CIMAP2: variants seen among roughly 807,000 people sequenced by gnomAD.
CIMAP2 encodes ciliary microtubule associated protein 2, also known as ciliary microtubule-associated protein 2.
chr1:54,811,690 C>T, the CIMAP2 span: 8 of 1,351,794 alleles, frequency 5.9e-6, no homozygotes, highest in Non-Finnish European at 8.3e-6. Context: ...CCTGAAAATC[C>T]CATTCCCTTC....
the CIMAP2 span, chr1:54,811,765 G>GCCGGGGGGGGGGGGCGCCCCCC: frequency 2.3e-6 from 3 of 1,301,330 alleles, no homozygotes; most frequent in Non-Finnish European, 3.3e-6. Context: ...GGTTCTGACA[G>GCCGGGGGGGGGGGGCGCCCCCC]CCTCCATGCC....
chr1:54,824,571 A>T, the CIMAP2 span, among the ~76,000 whole-genome samples: 1 of 151,772 alleles, frequency 6.6e-6, no homozygotes, highest in African/African-American at 2.4e-5. Context: ...TAATCTTGTA[A>T]TTTTTTTTCT....
the CIMAP2 span, among the ~76,000 whole-genome samples, chr1:54,834,593 G>T: frequency 1.0e-3 from 153 of 152,118 alleles, 3 homozygotes; most frequent in Middle Eastern, 0.024. Context: ...GAATTGTCTT[G>T]GATTTGGGAT....
the CIMAP2 span, among the ~76,000 whole-genome samples, chr1:54,826,147 G>C: frequency 6.6e-6 from 1 of 152,148 alleles, no homozygotes. Context: ...CAGAGTTCAG[G>C]TAGGGTGGGC....
the CIMAP2 span, chr1:54,811,779 A>ACCCC: frequency 3.1e-5 from 9 of 286,562 alleles, no homozygotes; most frequent in African/African-American, 6.7e-5. Context: ...CCATGCCCCC[A>ACCCC]CCCCCGCCCC....
At chr1:54,820,349 T>G in the CIMAP2 span, among the ~76,000 whole-genome samples, 50 of 146,810 alleles carry the variant, frequency 3.4e-4, no homozygotes, top group East Asian at 5.7e-3. Flanking sequence ...AAAAGTTTTG[T>G]TTTTTTTTTG....
chr1:54,811,765 G>GCCGGGGGGGCGCCCCCCCCCCCCCC, the CIMAP2 span: 1 of 1,301,332 alleles, frequency 7.7e-7, no homozygotes, highest in African/African-American at 1.5e-5. Flanking sequence ...GGTTCTGACA[G>GCCGGGGGGGCGCCCCCCCCCCCCCC]CCTCCATGCC....
the CIMAP2 span, among the ~76,000 whole-genome samples, chr1:54,819,867 CTCTT>C: frequency 1.6e-5 from 1 of 60,732 alleles, no homozygotes; most frequent in Admixed American, 1.7e-4. Flanking sequence ...CTTCCTTCCT[CTCTT>C]TCTTCCTTTC....
chr1:54,832,915 T>G, the CIMAP2 span, among the ~76,000 whole-genome samples: 1 of 152,024 alleles, frequency 6.6e-6, no homozygotes, highest in Non-Finnish European at 1.5e-5. Flanking sequence ...TAATCCCAGC[T>G]ACTTGGGAGG....
At chr1:54,839,860 C>T in the CIMAP2 span, among the ~76,000 whole-genome samples, 2 of 152,112 alleles carry the variant, frequency 1.3e-5, no homozygotes, top group South Asian at 2.1e-4. Context: ...GAGCAATCCT[C>T]CCACCTCAGG....
the CIMAP2 span, chr1:54,807,745 T>G: frequency 6.5e-7 from 1 of 1,535,564 alleles, no homozygotes; most frequent in Non-Finnish European, 8.8e-7. Context: ...TTCCTGTCCA[T>G]TGCAGCTGCT....
chr1:54,806,329 C>A, the CIMAP2 span: 1 of 1,147,532 alleles, frequency 8.7e-7, no homozygotes, highest in Non-Finnish European at 1.2e-6. Flanking sequence ...ACACACAGGG[C>A]TGAGCCTGGC....
chr1:54,822,386 T>G, the CIMAP2 span, among the ~76,000 whole-genome samples: 1 of 152,030 alleles, frequency 6.6e-6, no homozygotes, highest in Non-Finnish European at 1.5e-5. Flanking sequence ...GTATTGGTTT[T>G]TTTTTTTTCA....
the CIMAP2 span, chr1:54,806,270 C>A: frequency 6.9e-7 from 1 of 1,444,004 alleles, no homozygotes; most frequent in Admixed American, 2.8e-5. Context: ...AAAGCAGCTG[C>A]TGCCCACCCC....
the CIMAP2 span, among the ~76,000 whole-genome samples, chr1:54,809,290 C>T: frequency 6.6e-6 from 1 of 152,154 alleles, no homozygotes; most frequent in Non-Finnish European, 1.5e-5. Flanking sequence ...CTTTCTCCTA[C>T]ACCTCACCAC....
chr1:54,818,766 T>A, the CIMAP2 span, among the ~76,000 whole-genome samples: 5 of 24,066 alleles, frequency 2.1e-4, no homozygotes, highest in Non-Finnish European at 6.6e-4. Context: ...TAATTTTTGT[T>A]ATTTTTTGTA....
At chr1:54,806,314 C>A in the CIMAP2 span, 1 of 1,241,782 alleles carries the variant, frequency 8.1e-7, no homozygotes, top group Non-Finnish European at 1.1e-6. Flanking sequence ...AGAGGGTGTC[C>A]ACCTACACAC....
At chr1:54,808,190 C>T in the CIMAP2 span, among the ~76,000 whole-genome samples, 439 of 152,302 alleles carry the variant, frequency 2.9e-3, 1 homozygote, top group African/African-American at 0.01. Context: ...GACAATGTCC[C>T]TGCTCTCATG....
chr1:54,814,762 C>T, the CIMAP2 span: 2,661 of 1,103,022 alleles, frequency 2.4e-3, 29 homozygotes, highest in African/African-American at 0.035. Flanking sequence ...GCCCCTTTGC[C>T]GGGAGATAGC....
Sources: gnomAD v4.1 joint callset for allele counts (sites outside exome capture counted in the v4.1 genomes callset) on GRCh38, gnomAD v4.1.1 for gene constraint, MANE v1.5 for transcripts, NCBI Gene and HGNC (gene_info 2026-07-23, HGNC 2026-07-21) for gene names.